The following LOXL1 variants were observed in gnomAD, a reference collection of about 807,000 sequenced individuals.
LOXL1 encodes the protein lysyl oxidase like 1.
In LOXL1, 31 loss-of-function variants were observed where a neutral mutation model predicts 62.2. That is an observed-to-expected ratio of 0.50 (90% CI 0.37 to 0.67). The LOEUF is 0.67. Ranked by LOEUF, LOXL1 falls within the 30% of genes least tolerant of loss-of-function variation. The pLI, the probability that LOXL1 is intolerant of heterozygous loss-of-function variation, is 0.00. For synonymous variants in LOXL1, 403 were observed against 384.4 expected, an observed-to-expected ratio of 1.05 and a Z score of -0.56; for missense variants, 775 against 843.4, an observed-to-expected ratio of 0.92 and a Z score of 1.00.
chr15:73,942,819 C>G, intron 1 of LOXL1, 35 bp from the exon 2 acceptor site: 2 of 1,317,740 alleles, frequency 1.5e-6, no homozygotes, highest in Non-Finnish European at 2.2e-6. Context: ...CATGCTCTTC[C>G]TCCCTCCCCC....
rs760408606 is a variant in LOXL1 at position 73,942,906 on chromosome 15, G to C, written c.1155G>C (p.Val385=). ...ACTATGTGCAAGCATCCACTTATGTGCAGAGAGCCCACCTGTACTCCCTGC... is the reference window on the plus strand; with the variant it reads ...ACTATGTGCAAGCATCCACTTATGTCCAGAGAGCCCACCTGTACTCCCTGC... The part of the protein sequence containing the change: ...DPNYVQASTY[V]QRAHLYSLRC... Residue 385 remains valine (V), a synonymous_variant, in exon 2 of 7, where the codon GTG becomes GTC. Coordinates refer to ENST00000261921, the MANE Select transcript of LOXL1 (RefSeq NM_005576.4). The C allele has an allele frequency of 1.9e-5, 31 of 1,614,002 alleles. No individual in the cohort carries two copies. The highest frequency in any genetic ancestry group is 1.7e-6 in the Non-Finnish European group (2 of 1,179,976).
intron 1 of LOXL1, among the ~76,000 whole-genome samples, chr15:73,937,373 A>G (rs953795143): frequency 4.6e-5 from 7 of 152,212 alleles, no homozygotes; most frequent in Admixed American, 1.3e-4. Context: ...AGGGCATGCT[A>G]TAGCTAAAAG....
chr15:73,939,396 T>G (rs774659545), intron 1 of LOXL1, among the ~76,000 whole-genome samples: 3 of 152,186 alleles, frequency 2.0e-5, no homozygotes, highest in Non-Finnish European at 4.4e-5. Flanking sequence ...TTCCCCGAGC[T>G]GCTGCCTCTT....
chr15:73,944,675 C>T (rs2068736047), intron 2 of LOXL1, among the ~76,000 whole-genome samples: 4 of 152,206 alleles, frequency 2.6e-5, no homozygotes, highest in African/African-American at 9.6e-5. Context: ...GAAAAGGGAC[C>T]AATTCCAAGT....
intron 1 of LOXL1, among the ~76,000 whole-genome samples, chr15:73,933,632 C>T (rs2068650389): frequency 2.6e-5 from 4 of 152,212 alleles, no homozygotes; most frequent in African/African-American, 9.6e-5. Context: ...AAGGTGTACC[C>T]CTCTCCAGTA....
In LOXL1 at chr15:73,927,894, G is replaced by A. The variant is rs1353523918; in HGVS notation, c.1102+9G>A. 1 of 1,304,302 alleles carries A rather than the reference G, an allele frequency of 7.7e-7. No homozygotes were observed. The highest frequency in any genetic ancestry group is 9.7e-7 in the Non-Finnish European group (1 of 1,032,004). 80.8% of individuals were successfully genotyped at this position (1,304,302 alleles called of 1,614,324 possible). A position where few individuals can be genotyped will look rare whatever the true frequency, so the allele number is the denominator to read the frequency against. On this transcript the variant is annotated intron_variant, in intron 1 of 6. Coordinates refer to ENST00000261921, the MANE Select transcript of LOXL1 (RefSeq NM_005576.4). ...CAACCAGAACGGCCGCGGTGAGTAC[G>A]GCCCCGGCGCCCCTCCGGCCGCGCG...
At chr15:73,938,420 A>G (rs1297081556) in intron 1 of LOXL1, among the ~76,000 whole-genome samples, 1 of 147,144 alleles carries the variant, frequency 6.8e-6, no homozygotes, top group African/African-American at 2.4e-5. Context: ...AGACCTTAAA[A>G]GTTTACATGG....
At position 73,928,407 on chromosome 15, in the gene LOXL1, C is replaced by T. The variant is rs566403006; in HGVS notation, c.1102+522C>T. ...CATTACTGGGCATGTGTGAGGTTGGCTTGAGTGCGCAGGAGGTTAGAGGGG... is the reference window on the plus strand; with the variant it reads ...CATTACTGGGCATGTGTGAGGTTGGTTTGAGTGCGCAGGAGGTTAGAGGGG... On this transcript the variant is annotated intron_variant, in intron 1 of 6. Coordinates refer to ENST00000261921, the MANE Select transcript of LOXL1 (RefSeq NM_005576.4). 1.6e-3 allele frequency among the ~76,000 whole-genome samples: 249 copies of T among 152,206 alleles called. 1 individual carries two copies. The highest frequency in any genetic ancestry group is 5.8e-3 in the African/African-American group (243 of 41,542).
At chr15:73,946,693 C>A in intron 3 of LOXL1, 139 bp downstream of exon 3, 1 of 1,023,584 alleles carries the variant, frequency 9.8e-7, no homozygotes, top group Non-Finnish European at 1.4e-6. Flanking sequence ...GTGTTACCTG[C>A]CAACTCTTTT....
intron 1 of LOXL1, among the ~76,000 whole-genome samples, chr15:73,929,655 A>G (rs2068622003): frequency 6.6e-6 from 1 of 152,242 alleles, no homozygotes; most frequent in African/African-American, 2.4e-5. Context: ...TCTGGTCCTT[A>G]CCAGGTACTT....
chr15:73,940,668 G>C (rs997428454), intron 1 of LOXL1, among the ~76,000 whole-genome samples: 1 of 152,100 alleles, frequency 6.6e-6, no homozygotes, highest in African/African-American at 2.4e-5. Context: ...CCAGGGCCAG[G>C]GTTCAGTATG....
chr15:73,946,388 C>A (rs756518575), intron 2 of LOXL1, 29 bp from the exon 3 acceptor site: 6 of 1,505,502 alleles, frequency 4.0e-6, no homozygotes, highest in South Asian at 1.1e-5. Context: ...TGCCCCAACC[C>A]CCCCTCATCT....
chr15:73,929,669 G>A (rs988173155), intron 1 of LOXL1, among the ~76,000 whole-genome samples: 1 of 152,258 alleles, frequency 6.6e-6, no homozygotes, highest in African/African-American at 2.4e-5. Flanking sequence ...GGTACTTGCA[G>A]CATCCCTGCA....
At chr15:73,928,757 G>T (rs2068613083) in intron 1 of LOXL1, among the ~76,000 whole-genome samples, 1 of 151,110 alleles carries the variant, frequency 6.6e-6, no homozygotes, top group Non-Finnish European at 1.5e-5. Flanking sequence ...TGGATATTTT[G>T]TTCATTACAG....
At chr15:73,932,183 C>G (rs1336612091) in intron 1 of LOXL1, among the ~76,000 whole-genome samples, 9 of 152,184 alleles carry the variant, frequency 5.9e-5, no homozygotes, top group Non-Finnish European at 1.2e-4. Flanking sequence ...GTGGTCCTCA[C>G]CTCCCACATC....
In LOXL1 at chr15:73,927,351, A is replaced by T. The variant is rs770969922; in HGVS notation, c.568A>T (p.Asn190Tyr). ...GGCGCCCTTCGTCAGCCAGTACGAG[A>T]ACTACGACCCCGCGTCGCGGACCTA... ...PQAPFVSQYE[N>Y]YDPASRTYDQ... The change falls in exon 1 of 7, where the codon AAC becomes TAC. Residue 190 changes from asparagine (N) to tyrosine (Y), a missense_variant. By Grantham distance (143) the Asn-to-Tyr change is moderately radical. Transcript: ENST00000261921. 1 of 1,593,652 alleles carries T rather than the reference A, an allele frequency of 6.3e-7. No individual in the cohort carries two copies. The highest frequency in any genetic ancestry group is 1.1e-5 in the South Asian group (1 of 88,872).
In LOXL1 at chr15:73,927,800, G is replaced by A; in HGVS notation, c.1017G>A (p.Thr339=). ...ACCTGCCGGTGCGCAGCTCCGACAC[G>A]CCCCCGCCGGGTGGGGAGCGGAACG... ...PPYLPVRSSD[T]PPPGGERNGA... The change falls in exon 1 of 7, where the codon ACG becomes ACA. Residue 339 remains threonine, a synonymous_variant. Coordinates refer to ENST00000261921, the MANE Select transcript of LOXL1 (RefSeq NM_005576.4). 1.5e-6 allele frequency: 2 copies of A among 1,375,822 alleles called. No individual in the cohort carries two copies. The highest frequency in any genetic ancestry group is 3.7e-5 in the Admixed American group (1 of 26,818). 85.2% of individuals were successfully genotyped at this position (1,375,822 alleles called of 1,614,324 possible). A position where few individuals can be genotyped will look rare whatever the true frequency, so the allele number is the denominator to read the frequency against.
rs1488058132 is a variant in LOXL1 at position 73,930,303 on chromosome 15, C to T, written c.1102+2418C>T. 6.6e-6 allele frequency among the ~76,000 whole-genome samples: 1 copy of T among 152,184 alleles called. No homozygotes were observed. Among genetic ancestry groups the T allele is most frequent in the Non-Finnish European group, 1.5e-5 (1 of 68,030 alleles). The stretch of plus-strand genomic sequence containing the variant: ...TCTAAGCATTGCTGCAAGGGATGGT[C>T]ATCAGCACCATCCAGGTGCCCCTTC... On this transcript the variant is annotated intron_variant, in intron 1 of 6. Transcript: ENST00000261921. This position sits in a 1 kb window ranked among gnomAD's most constrained non-coding sequence, Gnocchi z 4.7.
intron 1 of LOXL1, among the ~76,000 whole-genome samples, chr15:73,933,206 C>T (rs976815316): frequency 1.9e-4 from 29 of 152,192 alleles, no homozygotes; most frequent in African/African-American, 6.8e-4. Context: ...ATAGTATTAT[C>T]AGCTCTATTT....
Sources: gnomAD v4.1 joint callset for allele counts (sites outside exome capture counted in the v4.1 genomes callset) on GRCh38, gnomAD v4.1.1 for gene constraint, Gnocchi (gnomAD v3.1) non-coding constraint, MANE v1.5 for transcripts, NCBI Gene and HGNC (gene_info 2026-07-23, HGNC 2026-07-21) for gene names.